The following SLIT2 variants were observed in gnomAD, a reference collection of about 807,000 sequenced individuals.
The protein encoded by SLIT2 is slit homolog 2 protein.
In SLIT2, 41 loss-of-function variants were observed where a neutral mutation model predicts 185.7. The ratio of observed to expected loss-of-function variants is 0.22; its 90% CI spans 0.17 to 0.29. The LOEUF (loss-of-function observed/expected upper bound fraction) is 0.29, where lower values mean the gene tolerates loss of function less well. Among genes scored for constraint, SLIT2 ranks in the 10% least tolerant of loss-of-function variants. The probability of loss-of-function intolerance (pLI) is 1.00; values close to 1 mark genes in which losing one functional copy is unlikely to be tolerated. For synonymous variants in SLIT2, 693 were observed against 680.2 expected (o/e 1.02, Z -0.29); for missense variants, 1,571 against 1,909.0 (o/e 0.82, Z 3.30).
chr4:20,596,311 G>T, intron 31 of SLIT2, 104 bp from the exon 32 acceptor site: 7 of 1,084,352 alleles, frequency 6.5e-6, no homozygotes, highest in Non-Finnish European at 8.0e-6. Context: ...GAAAAACAAG[G>T]AAGTGCACAT....
chr4:20,322,965 CT>C (rs1337471393), intron 4 of SLIT2, among the ~76,000 whole-genome samples: 2 of 152,134 alleles, frequency 1.3e-5, no homozygotes, highest in East Asian at 3.9e-4. Context: ...TTTAAAAATG[CT>C]TCAGAGTTTG....
chr4:20,530,571 C>T (rs1241518064), intron 16 of SLIT2, among the ~76,000 whole-genome samples: 3 of 152,188 alleles, frequency 2.0e-5, no homozygotes, highest in African/African-American at 7.2e-5. Flanking sequence ...GCATGAGACA[C>T]TGCCCCTGGC....
chr4:20,376,114 A>C (rs28673426), intron 4 of SLIT2, among the ~76,000 whole-genome samples: 2 of 134,972 alleles, frequency 1.5e-5, no homozygotes, highest in Admixed American at 1.6e-4. Flanking sequence ...TCATTGTTTA[A>C]CTTTTTTTTT....
chr4:20,367,059 A>G (rs1358520148), intron 4 of SLIT2, among the ~76,000 whole-genome samples: 2 of 152,078 alleles, frequency 1.3e-5, no homozygotes, highest in African/African-American at 4.8e-5. Context: ...TCAGCTTCCC[A>G]AAGGGTTGAG....
chr4:20,381,190 T>C (rs541719077), intron 4 of SLIT2, among the ~76,000 whole-genome samples: 41 of 152,086 alleles, frequency 2.7e-4, no homozygotes, highest in Non-Finnish European at 4.9e-4. Flanking sequence ...GATTCGGAGG[T>C]TGCAGTGAGC....
intron 4 of SLIT2, among the ~76,000 whole-genome samples, chr4:20,371,676 G>T (rs969715718): frequency 2.0e-5 from 3 of 151,966 alleles, no homozygotes; most frequent in African/African-American, 7.3e-5. Flanking sequence ...CACCCGAGAG[G>T]GAAAAATGCA....
intron 9 of SLIT2, among the ~76,000 whole-genome samples, chr4:20,494,708 A>T (rs1486626728): frequency 6.6e-6 from 1 of 151,608 alleles, no homozygotes; most frequent in African/African-American, 2.4e-5. Flanking sequence ...GAACCCGGGG[A>T]CAATGCTTGT....
chr4:20,283,126 A>G (rs899748886), intron 4 of SLIT2, among the ~76,000 whole-genome samples: 7 of 151,610 alleles, frequency 4.6e-5, no homozygotes, highest in African/African-American at 9.7e-5. Context: ...GCGCGCACAC[A>G]CACACACACA....
intron 5 of SLIT2, among the ~76,000 whole-genome samples, chr4:20,472,149 C>A (rs1577721221): frequency 6.8e-6 from 1 of 146,066 alleles, no homozygotes; most frequent in Non-Finnish European, 1.5e-5. Flanking sequence ...GATAGCATAT[C>A]ATTATCAACT....
intron 4 of SLIT2, among the ~76,000 whole-genome samples, chr4:20,386,626 C>G (rs1430310928): frequency 2.0e-5 from 3 of 152,142 alleles, no homozygotes; most frequent in Admixed American, 2.0e-4. Context: ...TCCTCAACCA[C>G]TGATTTATTG....
In SLIT2 at chr4:20,472,540, C is replaced by CTATATAGATATATATAGA. The variant is rs1560454969; in HGVS notation, c.467+4722_467+4723insAGATATATATAGATATAT. ...GATATATATCTATATATAGATATAT[C>CTATATAGATATATATAGA]TATATCTATATATAGATATATATCT... On this transcript the variant is annotated intron_variant, in intron 5 of 36. Coordinates refer to ENST00000504154, the MANE Select transcript of SLIT2 (RefSeq NM_004787.4). Among the ~76,000 whole-genome samples, 87 of 9,480 alleles carry CTATATAGATATATATAGA rather than the reference C, an allele frequency of 9.2e-3. 25 individuals are homozygous for CTATATAGATATATATAGA. The highest frequency in any genetic ancestry group is 0.017 in the African/African-American group (26 of 1,488). The allele number at this position is 9,480 out of a possible 152,430, so 6.2% of individuals were successfully genotyped here. A position where few individuals can be genotyped will look rare whatever the true frequency, so the allele number is the denominator to read the frequency against.
intron 4 of SLIT2, among the ~76,000 whole-genome samples, chr4:20,419,844 C>T (rs530932573): frequency 6.6e-6 from 1 of 151,988 alleles, no homozygotes; most frequent in Non-Finnish European, 1.5e-5. Context: ...AACCTTCACA[C>T]GGTTTTCTAT....
chr4:20,322,145 C>T (rs75776842), intron 4 of SLIT2, among the ~76,000 whole-genome samples: 1,887 of 152,258 alleles, frequency 0.012, 98 homozygotes, highest in East Asian at 0.076. Flanking sequence ...ACCAGAACCT[C>T]CATTTCATAT....
At chr4:20,295,711 A>G (rs148309805) in intron 4 of SLIT2, among the ~76,000 whole-genome samples, 18 of 152,350 alleles carry the variant, frequency 1.2e-4, no homozygotes, top group African/African-American at 4.3e-4. Flanking sequence ...AAGGAAATAT[A>G]TTGAAAGATT....
chr4:20,575,189 A>G (rs1725987167), intron 29 of SLIT2, among the ~76,000 whole-genome samples: 2 of 152,194 alleles, frequency 1.3e-5, no homozygotes, highest in African/African-American at 4.8e-5. Context: ...AGTGTTTTAA[A>G]TCGCCATGTG....
chr4:20,529,317 A>C (rs1376329315), intron 16 of SLIT2, among the ~76,000 whole-genome samples: 2 of 152,216 alleles, frequency 1.3e-5, no homozygotes, highest in Non-Finnish European at 2.9e-5. Context: ...AAACTAATTT[A>C]TCTCTCAAAA....
intron 4 of SLIT2, among the ~76,000 whole-genome samples, chr4:20,304,222 C>A (rs1246417635): frequency 6.6e-6 from 1 of 152,178 alleles, no homozygotes; most frequent in Admixed American, 6.5e-5. Context: ...AATGATGCTA[C>A]TTATCCCCCT....
Position 20,536,877 on chromosome 4 carries a change from T to C in SLIT2, c.1833-2564T>C, listed in dbSNP as rs181833910. 2.2e-4 allele frequency among the ~76,000 whole-genome samples: 34 copies of C among 152,292 alleles called. No homozygotes were observed. In the East Asian group the frequency reaches 6.2e-3, roughly 28 times the overall value. Reference sequence around the variant, plus strand: ...TTACTTTTGCATTTTTAAACTGTTTTGTTAAAAACTAAGAAACAAACACAT... The same window carrying C: ...TTACTTTTGCATTTTTAAACTGTTTCGTTAAAAACTAAGAAACAAACACAT... On this transcript the variant is annotated intron_variant, in intron 18 of 36. Transcript: ENST00000504154.
chr4:20,532,207 T>C (rs949599106), intron 17 of SLIT2, 149 bp downstream of exon 17: 3 of 572,300 alleles, frequency 5.2e-6, no homozygotes, highest in East Asian at 3.1e-5. Context: ...GGGTAATCTC[T>C]GCAAGGGACT....
Sources: gnomAD v4.1 joint callset for allele counts (sites outside exome capture counted in the v4.1 genomes callset) on GRCh38, gnomAD v4.1.1 for gene constraint, MANE v1.5 for transcripts, NCBI Gene and HGNC (gene_info 2026-07-23, HGNC 2026-07-21) for gene names.